The following LRRC4C variants were observed in gnomAD, a reference collection of about 807,000 sequenced individuals.
LRRC4C encodes leucine-rich repeat-containing protein 4C.
A neutral mutation model predicts 33.6 loss-of-function variants in LRRC4C; 5 were observed. The observed-to-expected ratio is 0.15, with a 90% CI of 0.08 to 0.31. The LOEUF (loss-of-function observed/expected upper bound fraction) is 0.31, where lower values mean the gene tolerates loss of function less well. LRRC4C is among the 10% of genes least tolerant of loss of function. The probability of loss-of-function intolerance (pLI) is 1.00; values close to 1 mark genes in which losing one functional copy is unlikely to be tolerated. For synonymous variants in LRRC4C, 329 were observed against 302.0 expected (o/e 1.09, Z -0.93); for missense variants, 560 against 796.7 (o/e 0.70, Z 3.58).
At chr11:40,885,004 G>A (rs1955378081) in intron 2 of LRRC4C, among the ~76,000 whole-genome samples, 1 of 151,916 alleles carries the variant, frequency 6.6e-6, no homozygotes, top group Admixed American at 6.6e-5. Context: ...AAAGGAGTGA[G>A]GGATGAAAAA....
chr11:40,291,155 G>T (rs1944166481), intron 4 of LRRC4C, among the ~76,000 whole-genome samples: 1 of 152,122 alleles, frequency 6.6e-6, no homozygotes, highest in Non-Finnish European at 1.5e-5. Context: ...CCCCAGAGAG[G>T]AATAGCGAAG....
chr11:41,079,410 C>T (rs899328917), intron 1 of LRRC4C, among the ~76,000 whole-genome samples: 4 of 152,084 alleles, frequency 2.6e-5, no homozygotes, highest in Admixed American at 6.5e-5. Context: ...AGGATAGGCA[C>T]GTTTGATATT....
intron 1 of LRRC4C, among the ~76,000 whole-genome samples, chr11:40,999,006 C>T (rs539121139): frequency 4.6e-5 from 7 of 152,214 alleles, no homozygotes; most frequent in Admixed American, 4.6e-4. Flanking sequence ...CAATTCCCCT[C>T]TCAGCTGGCA....
chr11:40,618,874 T>C (rs765997622), intron 3 of LRRC4C, among the ~76,000 whole-genome samples: 9 of 151,704 alleles, frequency 5.9e-5, no homozygotes, highest in Non-Finnish European at 1.2e-4. Flanking sequence ...AGGTGGCATT[T>C]TGGGATGTCT....
At chr11:40,660,440 T>A (rs1167113032) in intron 2 of LRRC4C, among the ~76,000 whole-genome samples, 1 of 152,188 alleles carries the variant, frequency 6.6e-6, no homozygotes, top group African/African-American at 2.4e-5. Flanking sequence ...ACCCTAAGGA[T>A]CCTGTGACAA....
chr11:41,373,477 G>A (rs998127767), intron 1 of LRRC4C, among the ~76,000 whole-genome samples: 1 of 152,052 alleles, frequency 6.6e-6, no homozygotes, highest in African/African-American at 2.4e-5. Context: ...TTTGGGTCTG[G>A]ATCAAGGATA....
rs4756602 is a variant in LRRC4C at position 40,578,141 on chromosome 11, G to C, written c.-270+70001C>G. 2.6e-4 allele frequency among the ~76,000 whole-genome samples: 13 copies of C among 50,164 alleles called. 4 individuals carry two copies. The highest frequency in any genetic ancestry group is 3.4e-4 in the Admixed American group (1 of 2,916). The allele number at this position is 50,164 out of a possible 152,430, so 32.9% of individuals were successfully genotyped here. ...GATATTATTGGACTTTTTTTTTTCG[G>C]TTTTTTTTTTTTTTTTTTTTTTTTT... On this transcript the variant is annotated intron_variant, in intron 3 of 6. Coordinates refer to ENST00000528697, the MANE Select transcript of LRRC4C (RefSeq NM_001258419.2).
At chr11:41,376,647 A>G (rs1357462030) in intron 1 of LRRC4C, among the ~76,000 whole-genome samples, 1 of 152,188 alleles carries the variant, frequency 6.6e-6, no homozygotes, top group East Asian at 1.9e-4. Context: ...ATTGTTAGCG[A>G]TGTAAAAATG....
chr11:40,271,175 T>C (rs1033145475), intron 4 of LRRC4C, among the ~76,000 whole-genome samples: 3 of 152,074 alleles, frequency 2.0e-5, no homozygotes, highest in African/African-American at 7.2e-5. Context: ...ATGTAACTGG[T>C]CTCCTATTCC....
At chr11:41,196,247 A>G (rs1214277697) in intron 1 of LRRC4C, among the ~76,000 whole-genome samples, 2 of 152,116 alleles carry the variant, frequency 1.3e-5, no homozygotes, top group Non-Finnish European at 2.9e-5. Context: ...AGACAGAAAC[A>G]CAGAGGCTGG....
chr11:40,532,235 T>C (rs2135319096), intron 3 of LRRC4C, among the ~76,000 whole-genome samples: 1 of 151,684 alleles, frequency 6.6e-6, no homozygotes, highest in African/African-American at 2.4e-5. Flanking sequence ...TTTTTCATAA[T>C]ATGTTACACA....
intron 5 of LRRC4C, among the ~76,000 whole-genome samples, chr11:40,205,671 C>G (rs897310406): frequency 1.3e-5 from 2 of 152,064 alleles, no homozygotes; most frequent in Non-Finnish European, 2.9e-5. Context: ...GAATGTTTTC[C>G]CACGTTCTCA....
rs951385760 is a variant in LRRC4C, at chr11:41,410,751, T to A, written c.-496+48680A>T. On this transcript the variant is annotated intron_variant, in intron 1 of 6. Coordinates refer to ENST00000528697, the MANE Select transcript of LRRC4C (RefSeq NM_001258419.2). ...CACCGCGCCTGGCCGAGAAAGTTAT[T>A]TTTATGGAACAACACCCGTTAATCA... Among the ~76,000 whole-genome samples the A allele has an allele frequency of 3.9e-5, 6 of 152,112 alleles. No individual in the cohort carries two copies. The South Asian group carries it at 8.3e-4, about 21-fold the overall frequency.
Position 41,141,306 on chromosome 11 carries a change from T to C in LRRC4C, c.-495-207583A>G, listed in dbSNP as rs1943493941. Reference sequence around the variant, plus strand: ...GAGGGAAGGCTGCTAGCAACACCTCTGCCCTGCTCCCAACAGAGCCACTCT... The same window carrying C: ...GAGGGAAGGCTGCTAGCAACACCTCCGCCCTGCTCCCAACAGAGCCACTCT... On this transcript the variant is annotated intron_variant, in intron 1 of 6. Transcript: ENST00000528697. Among the ~76,000 whole-genome samples, 3 of 151,988 alleles carry C rather than the reference T, an allele frequency of 2.0e-5. No homozygotes were observed. The South Asian group carries it at 6.2e-4, about 32-fold the overall frequency.
At chr11:41,391,835 G>T (rs1393035668) in intron 1 of LRRC4C, among the ~76,000 whole-genome samples, 1 of 151,754 alleles carries the variant, frequency 6.6e-6, no homozygotes, top group East Asian at 1.9e-4. Flanking sequence ...CTATGAATAG[G>T]TCTCAAAAAA....
At chr11:40,677,460 T>C (rs896602108) in intron 2 of LRRC4C, among the ~76,000 whole-genome samples, 1 of 152,136 alleles carries the variant, frequency 6.6e-6, no homozygotes, top group Non-Finnish European at 1.5e-5. Context: ...ACATTTAATA[T>C]GTAAGTCTTT....
At chr11:41,238,468 G>A (rs1202946456) in intron 1 of LRRC4C, among the ~76,000 whole-genome samples, 3 of 152,168 alleles carry the variant, frequency 2.0e-5, no homozygotes, top group African/African-American at 7.2e-5. Context: ...TGCAGATGAA[G>A]ATACTCAGCT....
intron 3 of LRRC4C, among the ~76,000 whole-genome samples, chr11:40,356,917 T>C (rs1299032699): frequency 6.6e-6 from 1 of 152,176 alleles, no homozygotes; most frequent in East Asian, 1.9e-4. Flanking sequence ...AAGGCTGTTA[T>C]TGTTCCATTG....
chr11:40,950,882 TA>T (rs1192423738), intron 1 of LRRC4C, among the ~76,000 whole-genome samples: 2 of 151,348 alleles, frequency 1.3e-5, no homozygotes, highest in Non-Finnish European at 2.9e-5. Context: ...CCAACTTGCT[TA>T]TTTTTTTTTT....
Sources: allele counts gnomAD v4.1 joint callset (sites outside exome capture counted in the v4.1 genomes callset), GRCh38; gene constraint gnomAD v4.1.1; transcripts MANE v1.5; gene names NCBI Gene and HGNC (gene_info 2026-07-23, HGNC 2026-07-21).